ADGRL2: variants seen among roughly 807,000 people sequenced by gnomAD.
The protein encoded by ADGRL2 is calcium-independent alpha-latrotoxin receptor 2.
In ADGRL2, 44 loss-of-function variants were observed where a neutral mutation model predicts 157.4. The ratio of observed to expected loss-of-function variants is 0.28; its 90% CI spans 0.22 to 0.36. ADGRL2 has a LOEUF of 0.36. ADGRL2 is among the 10% of genes least tolerant of loss of function. The probability of loss-of-function intolerance (pLI) is 1.00; values close to 1 mark genes in which losing one functional copy is unlikely to be tolerated. For missense variants in ADGRL2, 1,510 were observed against 1,768.9 expected (o/e 0.85, Z 2.63); for synonymous variants, 585 against 624.7 (o/e 0.94, Z 0.95).
intron 1 of ADGRL2, among the ~76,000 whole-genome samples, chr1:81,313,016 T>C (rs1382363905): frequency 6.6e-6 from 1 of 152,126 alleles, no homozygotes; most frequent in Non-Finnish European, 1.5e-5. Context: ...TTTCTCAGCT[T>C]TATAGTAAAG....
At chr1:81,860,172 C>T (rs780993878) in intron 2 of ADGRL2, among the ~76,000 whole-genome samples, 1 of 151,960 alleles carries the variant, frequency 6.6e-6, no homozygotes, top group Admixed American at 6.6e-5. Flanking sequence ...TGCAGTGAGC[C>T]GAGATCATGC....
intron 2 of ADGRL2, among the ~76,000 whole-genome samples, chr1:81,535,692 G>A (rs935758301): frequency 3.9e-5 from 6 of 152,060 alleles, no homozygotes; most frequent in Non-Finnish European, 7.4e-5. Flanking sequence ...ACATATAAAC[G>A]CATAGCAGGA....
intron 1 of ADGRL2, among the ~76,000 whole-genome samples, chr1:81,706,135 A>G (rs1346104556): frequency 6.6e-6 from 1 of 152,120 alleles, no homozygotes; most frequent in Non-Finnish European, 1.5e-5. Flanking sequence ...GGAGGTAGAG[A>G]TTGCAGTGAG....
chr1:81,376,259 T>C (rs2076248009), intron 1 of ADGRL2, among the ~76,000 whole-genome samples: 1 of 152,250 alleles, frequency 6.6e-6, no homozygotes, highest in African/African-American at 2.4e-5. Context: ...TTTTCCCAGC[T>C]GCCTGTGGGG....
At chr1:81,510,768 A>C (rs146598723) in intron 2 of ADGRL2, among the ~76,000 whole-genome samples, 1 of 152,194 alleles carries the variant, frequency 6.6e-6, no homozygotes, top group Admixed American at 6.5e-5. Flanking sequence ...TTTCATTATT[A>C]GTACACATGA....
intron 1 of ADGRL2, among the ~76,000 whole-genome samples, chr1:81,360,328 A>G (rs1477077222): frequency 6.6e-6 from 1 of 151,922 alleles, no homozygotes; most frequent in Non-Finnish European, 1.5e-5. Flanking sequence ...TATTTCATCA[A>G]AGAGACTTTT....
chr1:81,616,729 T>C (rs2081662423), intron 3 of ADGRL2, among the ~76,000 whole-genome samples: 1 of 142,766 alleles, frequency 7.0e-6, no homozygotes, highest in African/African-American at 2.6e-5. Flanking sequence ...CTGGCTGGAG[T>C]GCAGTGGCAC....
At chr1:81,672,681 A>T (rs1485717719) in intron 3 of ADGRL2, among the ~76,000 whole-genome samples, 1 of 152,208 alleles carries the variant, frequency 6.6e-6, no homozygotes, top group Admixed American at 6.5e-5. Flanking sequence ...AATGACAATT[A>T]AAAAATGTTG....
chr1:81,766,522 T>G (rs909890818), intron 2 of ADGRL2, among the ~76,000 whole-genome samples: 9 of 152,124 alleles, frequency 5.9e-5, no homozygotes, highest in African/African-American at 2.2e-4. Context: ...AAAAATAAAA[T>G]TTCTAATACA....
At chr1:81,461,655 T>C (rs2077930901) in intron 2 of ADGRL2, among the ~76,000 whole-genome samples, 1 of 152,208 alleles carries the variant, frequency 6.6e-6, no homozygotes, top group African/African-American at 2.4e-5. Flanking sequence ...TTAATATCTA[T>C]ACATACTTCA....
At chr1:81,846,658 G>A (rs540739951) in intron 2 of ADGRL2, among the ~76,000 whole-genome samples, 2 of 151,706 alleles carry the variant, frequency 1.3e-5, no homozygotes, top group South Asian at 2.1e-4. Flanking sequence ...TTGTGTGTAT[G>A]TATTAATCAT....
chr1:81,537,752 T>A (rs559480783), intron 2 of ADGRL2, among the ~76,000 whole-genome samples: 2 of 151,218 alleles, frequency 1.3e-5, no homozygotes, highest in South Asian at 4.2e-4. Flanking sequence ...CAGTCTGGAG[T>A]CCAGTGTCAC....
intron 1 of ADGRL2, among the ~76,000 whole-genome samples, chr1:81,720,082 C>A (rs1003806611): frequency 2.0e-5 from 3 of 151,590 alleles, no homozygotes; most frequent in African/African-American, 7.3e-5. Flanking sequence ...GCTGAGGTTG[C>A]CAGAGTGAAA....
At chr1:81,967,271 T>G (rs1289496565) in intron 13 of ADGRL2, among the ~76,000 whole-genome samples, 1 of 151,880 alleles carries the variant, frequency 6.6e-6, no homozygotes, top group Non-Finnish European at 1.5e-5. Context: ...CTCTTTTTTT[T>G]TTTTTTTTGA....
intron 1 of ADGRL2, among the ~76,000 whole-genome samples, chr1:81,428,090 T>C (rs2077251329): frequency 6.6e-6 from 1 of 152,212 alleles, no homozygotes; most frequent in Non-Finnish European, 1.5e-5. Flanking sequence ...TCATTGTTAA[T>C]TACTATTTTG....
chr1:81,461,991 A>G (rs1334339541), intron 2 of ADGRL2, among the ~76,000 whole-genome samples: 1 of 150,068 alleles, frequency 6.7e-6, no homozygotes, highest in Non-Finnish European at 1.5e-5. Context: ...AGAGAGTGAC[A>G]TGTGAAGCCA....
At chr1:81,933,017 T>G (rs1246647409) in intron 3 of ADGRL2, among the ~76,000 whole-genome samples, 1 of 152,150 alleles carries the variant, frequency 6.6e-6, no homozygotes, top group Non-Finnish European at 1.5e-5. Context: ...TTTGTATTTC[T>G]AACAAGTTTT....
chr1:81,678,812 A>C (rs2148945619), intron 3 of ADGRL2, among the ~76,000 whole-genome samples: 1 of 152,310 alleles, frequency 6.6e-6, no homozygotes, highest in South Asian at 2.1e-4. Context: ...TGTCGGGAAA[A>C]TAAGAGAAAA....
chr1:81,952,018 C>A lies in ADGRL2; in HGVS notation c.1670C>A (p.Pro557Gln). The stretch of plus-strand genomic sequence containing the variant: ...GAACTGGCTAAACATACCAAAGGGC[C>A]AGTGTTTGCTGGGGATGTAAGTTCT... ...ANELAKHTKG[P>Q]VFAGDVSSSV... Residue 557 changes from proline to glutamine, a missense_variant, in exon 9 of 24, where the codon CCA (proline) becomes CAA (glutamine). Pro to Gln is a moderately conservative substitution (Grantham distance 76). Transcript: ENST00000686636. 1 of 1,613,600 alleles carries A rather than the reference C, an allele frequency of 6.2e-7. No individual in the cohort carries two copies.
Sources: gnomAD v4.1 joint callset for allele counts (sites outside exome capture counted in the v4.1 genomes callset) on GRCh38, gnomAD v4.1.1 for gene constraint, MANE v1.5 for transcripts, NCBI Gene and HGNC (gene_info 2026-07-23, HGNC 2026-07-21) for gene names.